JPH3: variants seen among roughly 807,000 people sequenced by gnomAD.
JPH3 encodes junctophilin 3.
In JPH3, 11 loss-of-function variants were observed where a neutral mutation model predicts 59.6. The observed-to-expected ratio is 0.18, with a 90% CI of 0.12 to 0.31. The LOEUF (loss-of-function observed/expected upper bound fraction) is 0.31. JPH3 is among the 10% of genes least tolerant of loss of function. The pLI is 1.00. For synonymous variants in JPH3, 673 were observed against 483.6 expected, an observed-to-expected ratio of 1.39 and a Z score of -5.14; for missense variants, 1,202 against 1,105.7, an observed-to-expected ratio of 1.09 and a Z score of -1.24.
chr16:87,617,015 A>G (rs898509720), intron 1 of JPH3, among the ~76,000 whole-genome samples: 4 of 152,186 alleles, frequency 2.6e-5, no homozygotes, highest in Admixed American at 6.5e-5. Flanking sequence ...ACCTGAGGTC[A>G]GGAGTTCGAG....
In JPH3 at chr16:87,689,862, TCTC is replaced by T; in HGVS notation, c.1503_1505del (p.Phe501_Ser502delinsLeu). 2.0e-6 allele frequency: 3 copies of T among 1,503,152 alleles called. No homozygotes were observed. Among genetic ancestry groups the T allele is most frequent in the Non-Finnish European group, 2.7e-6 (3 of 1,125,870 alleles). The allele number at this position is 1,503,152 out of a possible 1,614,324, so 93.1% of individuals were successfully genotyped here. A position where few individuals can be genotyped will look rare whatever the true frequency, so the allele number is the denominator to read the frequency against. The stretch of plus-strand genomic sequence containing the variant: ...GCCGCCAGGAACAAGGTCGCCCACT[TCTC>T]GAGGCAGGTGTCGGTGGACGAGGAG... On this transcript the variant is annotated inframe_deletion, in exon 4 of 5. Coordinates refer to ENST00000284262, the MANE Select transcript of JPH3 (RefSeq NM_020655.4).
intron 2 of JPH3, among the ~76,000 whole-genome samples, chr16:87,651,854 T>C (rs2150851161): frequency 6.6e-6 from 1 of 152,386 alleles, no homozygotes; most frequent in East Asian, 1.9e-4. Flanking sequence ...TTTGAGGGGA[T>C]TGACTCCAGT....
At chr16:87,642,011 G>A (rs2031970475) in intron 1 of JPH3, among the ~76,000 whole-genome samples, 1 of 152,188 alleles carries the variant, frequency 6.6e-6, no homozygotes, top group Non-Finnish European at 1.5e-5. Flanking sequence ...TGGAGCCCAT[G>A]GGATTCGATT....
intron 2 of JPH3, among the ~76,000 whole-genome samples, chr16:87,669,585 G>A (rs8051276): frequency 0.45 from 68,801 of 151,972 alleles, 15,598 homozygotes; most frequent in South Asian, 0.58. Context: ...ACGTGGGTCA[G>A]TGGCCCGCGG....
intron 2 of JPH3, among the ~76,000 whole-genome samples, chr16:87,647,902 G>T (rs1306691193): frequency 6.6e-6 from 1 of 152,238 alleles, no homozygotes; most frequent in South Asian, 2.1e-4. Flanking sequence ...GAGACCCGCA[G>T]ACCCACATCC....
chr16:87,627,126 A>C (rs1002181406), intron 1 of JPH3, among the ~76,000 whole-genome samples: 1 of 152,148 alleles, frequency 6.6e-6, no homozygotes, highest in African/African-American at 2.4e-5. Flanking sequence ...GAGGCCAGTC[A>C]TTAGTTGCCA....
intron 1 of JPH3, among the ~76,000 whole-genome samples, chr16:87,639,884 G>A (rs915023756): frequency 5.9e-5 from 9 of 152,224 alleles, no homozygotes; most frequent in Non-Finnish European, 1.3e-4. Flanking sequence ...TGCATGGGGG[G>A]ACCACGTCAT....
At chr16:87,660,602 C>T (rs546375542) in intron 2 of JPH3, among the ~76,000 whole-genome samples, 1 of 152,308 alleles carries the variant, frequency 6.6e-6, no homozygotes, top group South Asian at 2.1e-4. Context: ...GCAGCCCTCC[C>T]AGTCTCCCCG....
chr16:87,664,331 G>GGAA (rs1555540287), intron 2 of JPH3, among the ~76,000 whole-genome samples: 16 of 127,782 alleles, frequency 1.3e-4, no homozygotes, highest in Admixed American at 2.5e-4. Flanking sequence ...GACTCTGTCT[G>GGAA]AAAAAAAAAA....
chr16:87,619,852 A>G (rs1296598154), intron 1 of JPH3, among the ~76,000 whole-genome samples: 3 of 152,152 alleles, frequency 2.0e-5, no homozygotes, highest in Non-Finnish European at 4.4e-5. Context: ...ATGGGGCGCA[A>G]GGAAGGGGCT....
rs370166403 is a variant in JPH3, at chr16:87,691,550, G to A, written c.2166+1024G>A. Reference sequence around the variant, plus strand: ...TATTGTCGACGCTGCGGCAGGGGTCGGTGTCTGTCCCTGCCCCTGACCTAG... The same window carrying A: ...TATTGTCGACGCTGCGGCAGGGGTCAGTGTCTGTCCCTGCCCCTGACCTAG... On this transcript the variant is annotated intron_variant, in intron 4 of 4. Coordinates refer to ENST00000284262, the MANE Select transcript of JPH3 (RefSeq NM_020655.4). Among the ~76,000 whole-genome samples the A allele has an allele frequency of 4.3e-3, 647 of 152,216 alleles. 5 individuals carry two copies. Among genetic ancestry groups the A allele is most frequent in the African/African-American group, 0.014 (571 of 41,544 alleles).
Position 87,644,740 on chromosome 16 carries a change from G to A in JPH3, c.865G>A (p.Val289Met), listed in dbSNP as rs35538359. ...CGACGCCACCACCACCGAGACCTAC[G>A]TGGGCGAGTGGAAGAACGACAAACG... ...DIDATTTETY[V>M]GEWKNDKRSG... The change falls in exon 2 of 5, where the codon GTG (valine) becomes ATG (methionine). Residue 289 changes from valine to methionine, a missense_variant. Transcript: ENST00000284262. The A allele has an allele frequency of 1.3e-5, 21 of 1,612,946 alleles. No individual in the cohort carries two copies. Among genetic ancestry groups the A allele is most frequent in the African/African-American group, 9.3e-5 (7 of 74,868 alleles).
chr16:87,636,875 C>G (rs753036758), intron 1 of JPH3, among the ~76,000 whole-genome samples: 7 of 152,248 alleles, frequency 4.6e-5, no homozygotes, highest in Non-Finnish European at 7.3e-5. Flanking sequence ...GAAACTAACT[C>G]AGCTCCGAGA....
At chr16:87,610,783 C>G (rs2030702350) in intron 1 of JPH3, among the ~76,000 whole-genome samples, 1 of 152,128 alleles carries the variant, frequency 6.6e-6, no homozygotes, top group Non-Finnish European at 1.5e-5. Flanking sequence ...GTGTTGAATG[C>G]AGTGAATAAT....
At chr16:87,616,787 G>A (rs1483734030) in intron 1 of JPH3, among the ~76,000 whole-genome samples, 1 of 152,202 alleles carries the variant, frequency 6.6e-6, no homozygotes, top group Non-Finnish European at 1.5e-5. Context: ...CGCTGCCCTG[G>A]CAGCCTCTGA....
intron 3 of JPH3, among the ~76,000 whole-genome samples, chr16:87,685,930 T>C (rs2033406646): frequency 6.6e-6 from 1 of 152,106 alleles, no homozygotes; most frequent in Non-Finnish European, 1.5e-5. Context: ...CAGGTGTCAT[T>C]ATGGAACAGA....
In JPH3 at chr16:87,696,761, C is replaced by T; in HGVS notation, c.*101C>T. On this transcript the variant is annotated 3_prime_UTR_variant, in exon 5 of 5. Transcript: ENST00000284262. The stretch of plus-strand genomic sequence containing the variant: ...GGGAAAGACCGCAACTCGGACAGCC[C>T]AGCGACTTCCAAGTCCTCTCACAGA... The T allele has an allele frequency of 2.2e-6, 2 of 912,320 alleles. No individual in the cohort carries two copies. The highest frequency in any genetic ancestry group is 3.5e-6 in the Non-Finnish European group (2 of 570,162). The allele number at this position is 912,320 out of a possible 1,614,324, so 56.5% of individuals were successfully genotyped here. A position where few individuals can be genotyped will look rare whatever the true frequency, so the allele number is the denominator to read the frequency against.
At chr16:87,672,463 G>C (rs190282307) in intron 2 of JPH3, among the ~76,000 whole-genome samples, 1 of 152,354 alleles carries the variant, frequency 6.6e-6, no homozygotes, top group East Asian at 1.9e-4. Flanking sequence ...GGCATGATGG[G>C]CAGCTTTGCG....
intron 2 of JPH3, among the ~76,000 whole-genome samples, chr16:87,665,499 CAACCTCCTCTG>C (rs1458347068): frequency 6.6e-6 from 1 of 152,220 alleles, no homozygotes; most frequent in Non-Finnish European, 1.5e-5. Context: ...TCTGAGGGAA[CAACCTCCTCTG>C]AGCCTCCCAA....
Sources: allele counts gnomAD v4.1 joint callset (sites outside exome capture counted in the v4.1 genomes callset), GRCh38; gene constraint gnomAD v4.1.1; transcripts MANE v1.5; gene names NCBI Gene and HGNC (gene_info 2026-07-23, HGNC 2026-07-21).